TAFA1: variants seen among roughly 807,000 people sequenced by gnomAD.
TAFA1 encodes the protein TAFA chemokine like family member 1.
A neutral mutation model predicts 18.5 loss-of-function variants in TAFA1; 4 were observed. The ratio of observed to expected loss-of-function variants is 0.22; its 90% CI spans 0.11 to 0.49. The LOEUF (loss-of-function observed/expected upper bound fraction) is 0.49, where lower values mean the gene tolerates loss of function less well. TAFA1 is among the 20% of genes least tolerant of loss of function. The pLI, the probability that TAFA1 is intolerant of heterozygous loss-of-function variation, is 0.98. For synonymous variants in TAFA1, 56 were observed against 55.2 expected (o/e 1.01, Z -0.06); for missense variants, 147 against 169.0 (o/e 0.87, Z 0.72).
At chr3:68,420,534 T>C (rs996884890) in intron 3 of TAFA1, among the ~76,000 whole-genome samples, 1 of 152,136 alleles carries the variant, frequency 6.6e-6, no homozygotes, top group African/African-American at 2.4e-5. Context: ...CAAACTGTTT[T>C]TTAAAGGATG....
chr3:68,246,539 G>C (rs1167911608), intron 2 of TAFA1, among the ~76,000 whole-genome samples: 2 of 131,674 alleles, frequency 1.5e-5, no homozygotes, highest in Non-Finnish European at 3.1e-5. Context: ...GCAGTGAGCC[G>C]AGATGGTGCC....
intron 2 of TAFA1, among the ~76,000 whole-genome samples, chr3:68,201,798 A>C (rs901219450): frequency 2.6e-5 from 4 of 151,742 alleles, no homozygotes; most frequent in African/African-American, 4.8e-5. Context: ...GGGAAGTACA[A>C]GAAGCATAGC....
At chr3:68,431,209 G>C (rs1187783180) in intron 3 of TAFA1, among the ~76,000 whole-genome samples, 2 of 151,950 alleles carry the variant, frequency 1.3e-5, no homozygotes, top group African/African-American at 4.8e-5. Context: ...TCTATTTTGT[G>C]AAGAAAGAGA....
At chr3:68,498,059 C>T (rs867955777) in intron 3 of TAFA1, among the ~76,000 whole-genome samples, 2 of 152,160 alleles carry the variant, frequency 1.3e-5, no homozygotes, top group Admixed American at 6.5e-5. Context: ...TCTTTACCAA[C>T]GTAGCTTGAG....
intron 2 of TAFA1, among the ~76,000 whole-genome samples, chr3:68,087,242 G>A (rs898279256): frequency 1.2e-4 from 19 of 152,196 alleles, no homozygotes; most frequent in Middle Eastern, 3.4e-3. Flanking sequence ...GAAAATGCTG[G>A]GAAATAGATG....
intron 3 of TAFA1, among the ~76,000 whole-genome samples, chr3:68,474,005 G>A (rs907082): frequency 0.43 from 64,735 of 150,452 alleles, 14,586 homozygotes; most frequent in Non-Finnish European, 0.48. Context: ...AAGTGAATTA[G>A]CTCAGAATCT....
upstream of TAFA1, among the ~76,000 whole-genome samples, chr3:68,003,900 T>C (rs1704314829): frequency 6.6e-6 from 1 of 152,234 alleles, no homozygotes; most frequent in Non-Finnish European, 1.5e-5. Flanking sequence ...TAAATTAGTA[T>C]AAACCTGACA....
chr3:68,395,875 A>G (rs2070373813), intron 2 of TAFA1, among the ~76,000 whole-genome samples: 1 of 151,764 alleles, frequency 6.6e-6, no homozygotes, highest in African/African-American at 2.4e-5. Flanking sequence ...TGATGGGTGC[A>G]GCAAACCACC....
chr3:68,090,359 A>G (rs2065016245), intron 2 of TAFA1, among the ~76,000 whole-genome samples: 1 of 152,204 alleles, frequency 6.6e-6, no homozygotes, highest in South Asian at 2.1e-4. Flanking sequence ...GTAAAATTGT[A>G]GTATAATATC....
At chr3:68,315,333 G>A (rs1283512582) in intron 2 of TAFA1, among the ~76,000 whole-genome samples, 1 of 152,140 alleles carries the variant, frequency 6.6e-6, no homozygotes, top group Admixed American at 6.6e-5. Context: ...TGTTGGTGTG[G>A]AAGGACATCA....
chr3:68,014,314 A>T (rs1391162622), intron 2 of TAFA1, among the ~76,000 whole-genome samples: 1 of 152,238 alleles, frequency 6.6e-6, no homozygotes. Context: ...CATTGAATTA[A>T]TATTGGGTAT....
In TAFA1 at chr3:68,097,402, C is replaced by G. The variant is rs1343362758; in HGVS notation, c.118+90658C>G. On this transcript the variant is annotated intron_variant, in intron 2 of 4. Coordinates refer to ENST00000478136, the MANE Select transcript of TAFA1 (RefSeq NM_213609.4). ...AAAACAAGTTATTGTCTCTGTTTTC[C>G]TTCCCCATTTGTGTTTGGTTCTGTG... Among the ~76,000 whole-genome samples the G allele has an allele frequency of 2.6e-4, 40 of 152,082 alleles. 1 individual carries two copies. Among genetic ancestry groups the G allele is most frequent in the Admixed American group, 2.6e-3 (39 of 15,258 alleles).
intron 2 of TAFA1, among the ~76,000 whole-genome samples, chr3:68,281,761 T>C (rs2067901378): frequency 6.6e-6 from 1 of 152,106 alleles, no homozygotes; most frequent in Admixed American, 6.6e-5. Flanking sequence ...CCTGGTCCCA[T>C]GGGAAGTTTT....
intron 2 of TAFA1, among the ~76,000 whole-genome samples, chr3:68,200,479 G>A (rs1157660396): frequency 6.6e-6 from 1 of 151,558 alleles, no homozygotes; most frequent in Non-Finnish European, 1.5e-5. Context: ...TTCTGTTAGG[G>A]AAGCTATTAA....
chr3:68,497,578 C>A (rs2072569743), intron 3 of TAFA1, among the ~76,000 whole-genome samples: 1 of 151,998 alleles, frequency 6.6e-6, no homozygotes, highest in Non-Finnish European at 1.5e-5. Context: ...GAGCAAATGT[C>A]CTAAGCTAGG....
chr3:68,262,343 A>ATT (rs1559585934), intron 2 of TAFA1, among the ~76,000 whole-genome samples: 2 of 88,052 alleles, frequency 2.3e-5, no homozygotes, highest in African/African-American at 4.5e-5. Context: ...ATATATATAT[A>ATT]TATATATATA....
At chr3:68,309,413 C>T (rs1318705646) in intron 2 of TAFA1, among the ~76,000 whole-genome samples, 2 of 152,114 alleles carry the variant, frequency 1.3e-5, no homozygotes, top group Non-Finnish European at 2.9e-5. Context: ...ATACCTCTTA[C>T]CTCATTTAAT....
chr3:68,367,276 A>C (rs2069593444), intron 2 of TAFA1, among the ~76,000 whole-genome samples: 1 of 152,226 alleles, frequency 6.6e-6, no homozygotes, highest in Non-Finnish European at 1.5e-5. Context: ...TGTAAATGAC[A>C]GTGTCATTCT....
intron 2 of TAFA1, among the ~76,000 whole-genome samples, chr3:68,253,333 G>A (rs373548310): frequency 1.8e-4 from 28 of 152,198 alleles, no homozygotes; most frequent in Middle Eastern, 3.4e-3. Flanking sequence ...CCTTGCCCTT[G>A]CGTACTTTAA....
Sources: gnomAD v4.1 joint callset for allele counts (sites outside exome capture counted in the v4.1 genomes callset) on GRCh38, gnomAD v4.1.1 for gene constraint, MANE v1.5 for transcripts, NCBI Gene and HGNC (gene_info 2026-07-23, HGNC 2026-07-21) for gene names.